Variants in CLPP observed in about 807,000 individuals in gnomAD.
CLPP encodes caseinolytic mitochondrial matrix peptidase proteolytic subunit.
CLPP carries 14 observed loss-of-function variants against 27.4 expected under a neutral mutation model. That is an observed-to-expected ratio of 0.51 (90% CI 0.34 to 0.80). The LOEUF (loss-of-function observed/expected upper bound fraction) is 0.80. CLPP is among the 30% of genes least tolerant of loss of function. The pLI, the probability that CLPP is intolerant of heterozygous loss-of-function variation, is 0.02. For synonymous variants in CLPP, 193 were observed against 166.6 expected, an observed-to-expected ratio of 1.16 and a Z score of -1.22; for missense variants, 361 against 403.6, an observed-to-expected ratio of 0.89 and a Z score of 0.90.
chr19:6,362,580 C>A, intron 3 of CLPP, 38 bp downstream of exon 3: 3 of 1,392,032 alleles, frequency 2.2e-6, no homozygotes, highest in Non-Finnish European at 3.1e-6. Flanking sequence ...GGGCACTCGT[C>A]AGGGCACACG....
In CLPP at chr19:6,368,954, CTG is replaced by C. The variant is rs1555720008; in HGVS notation, c.*248_*249del. ...CTGCACCATGACAGCGTGTACACAT[CTG>C]TGTTTCACAGGCCCCTTCTGCTTTT... On this transcript the variant is annotated 3_prime_UTR_variant, in exon 6 of 6. Transcript: ENST00000245816. The C allele has an allele frequency of 1.9e-6, 1 of 516,184 alleles. No homozygotes were observed. Among genetic ancestry groups the C allele is most frequent in the Non-Finnish European group, 3.4e-6 (1 of 290,614 alleles). 32.0% of individuals were successfully genotyped at this position (516,184 alleles called of 1,614,324 possible). A position where few individuals can be genotyped will look rare whatever the true frequency, so the allele number is the denominator to read the frequency against.
At chr19:6,362,201 C>T in intron 2 of CLPP, 1 of 602,842 alleles carries the variant, frequency 1.7e-6, no homozygotes, top group Non-Finnish European at 2.9e-6. Flanking sequence ...AAGACTCTCC[C>T]CAGCCATTCT....
In CLPP at chr19:6,361,597, G is replaced by C. The variant is rs1191663713; in HGVS notation, c.23G>C (p.Gly8Ala). ...GGGATGTGGCCCGGAATATTGGTAGGGGGGGCCCGGGTGGCGTCATGCAGG... is the reference window on the plus strand; with the variant it reads ...GGGATGTGGCCCGGAATATTGGTAGCGGGGGCCCGGGTGGCGTCATGCAGG... MWPGILV[G>A]GARVASCRYP... is the part of the protein sequence containing the mutation. The change falls in exon 1 of 6, where the codon GGG (glycine) becomes GCG (alanine). Residue 8 changes from glycine (G) to alanine (A), a missense_variant. Transcript: ENST00000245816. 1.9e-5 allele frequency: 27 copies of C among 1,413,414 alleles called. No individual in the cohort carries two copies. The highest frequency in any genetic ancestry group is 1.4e-4 in the African/African-American group (9 of 65,820). 87.6% of individuals were successfully genotyped at this position (1,413,414 alleles called of 1,614,324 possible).
At position 6,364,408 on chromosome 19, in the gene CLPP, C is replaced by CG. The variant is rs756428048; in HGVS notation, c.368-38dup. ...TTAGGAGATGGAATAGGGAAAGGGTCGGGGGGAGCTGGTCCAGCCCCTCAC... is the reference window on the plus strand; with the variant it reads ...TTAGGAGATGGAATAGGGAAAGGGTCGGGGGGGAGCTGGTCCAGCCCCTCAC... On this transcript the variant is annotated intron_variant, in intron 3 of 5. Transcript: ENST00000245816. 23 of 1,551,594 alleles carry CG rather than the reference C, an allele frequency of 1.5e-5. No homozygotes were observed. In the South Asian group the frequency reaches 2.3e-4, roughly 16 times the overall value.
Position 6,370,041 on chromosome 19 carries a change from CAGAG to C in CLPP, c.*1334_*1337del, listed in dbSNP as rs900726420. 1.3e-5 allele frequency among the ~76,000 whole-genome samples: 2 copies of C among 152,250 alleles called. No individual in the cohort carries two copies. The highest frequency in any genetic ancestry group is 2.1e-4 in the South Asian group (1 of 4,826). ...CAGATTCTAGCTAGGTGGGATGTGA[CAGAG>C]AGCAGTTTCCAGAAACTCCGAGCTG... On this transcript the variant is annotated 3_prime_UTR_variant, in exon 6 of 6. Coordinates refer to ENST00000245816, the MANE Select transcript of CLPP (RefSeq NM_006012.4).
At chr19:6,362,979 A>C (rs557511445) in intron 3 of CLPP, among the ~76,000 whole-genome samples, 36 of 152,126 alleles carry the variant, frequency 2.4e-4, no homozygotes, top group African/African-American at 8.7e-4. Flanking sequence ...AGTCCCAGCA[A>C]CTCGGAAGGC....
chr19:6,367,148 G>A (rs1482466307), intron 5 of CLPP, among the ~76,000 whole-genome samples: 16 of 151,976 alleles, frequency 1.1e-4, no homozygotes, highest in Admixed American at 9.8e-4. Flanking sequence ...AGGCCGAGGT[G>A]GGCGGATCAC....
chr19:6,369,424 AAAAAAC>A lies in CLPP; in HGVS notation c.*722_*727del, dbSNP rs1225964995. On this transcript the variant is annotated 3_prime_UTR_variant, in exon 6 of 6. Transcript: ENST00000245816. ...AGCAAGGCTCTGTCTCAAAAAAAAA[AAAAAAC>A]AAAAACAGGAAAGGTGGCATGCAAG... is the stretch of plus-strand genomic sequence containing the variant. Among the ~76,000 whole-genome samples, 2 of 151,680 alleles carry A rather than the reference AAAAAAC, an allele frequency of 1.3e-5. No homozygotes were observed. The highest frequency in any genetic ancestry group is 2.9e-5 in the Non-Finnish European group (2 of 67,930).
At chr19:6,361,828 C>G in intron 1 of CLPP, 41 bp from the exon 2 acceptor site, 5 of 1,436,172 alleles carry the variant, frequency 3.5e-6, no homozygotes, top group Non-Finnish European at 4.5e-6. Flanking sequence ...TGGGGATCGG[C>G]TGGCTGCCCC....
Position 6,364,776 on chromosome 19 carries a change from T to A in CLPP, c.555+137T>A, listed in dbSNP as rs921679317. On this transcript the variant is annotated intron_variant, in intron 4 of 5. Transcript: ENST00000245816. ...TGGAGTCTCACTTTGTCGCCCAGGC[T>A]GGAGTGCAGTGGTGCGATCTCGGCT... is the stretch of plus-strand genomic sequence containing the variant. 15 of 798,714 alleles carry A rather than the reference T, an allele frequency of 1.9e-5. No individual in the cohort carries two copies. The African/African-American group carries it at 2.5e-4, about 13-fold the overall frequency. The allele number at this position is 798,714 out of a possible 1,614,324, so 49.5% of individuals were successfully genotyped here.
In CLPP at chr19:6,362,532, C is replaced by G; in HGVS notation, c.357C>G (p.Ile119Met). The G allele has an allele frequency of 6.2e-7, 1 of 1,612,822 alleles. No individual in the cohort carries two copies. The highest frequency in any genetic ancestry group is 8.5e-7 in the Non-Finnish European group (1 of 1,178,822). The part of the protein sequence containing the change: ...ESNKKPIHMY[I>M]NSPGGVVTAG... ...ACAAGAAGCCCATCCACATGTACATCAACAGCCCTGGTGAGCAGGGTCTTT... is the reference window on the plus strand; with the variant it reads ...ACAAGAAGCCCATCCACATGTACATGAACAGCCCTGGTGAGCAGGGTCTTT... Residue 119 changes from isoleucine (I) to methionine (M), a missense_variant, in exon 3 of 6, where the codon ATC becomes ATG. Around this residue, in one of 2 missense-constraint regions of CLPP, gnomAD observed 213 missense variants for 280.9 expected, o/e 0.76. Coordinates refer to ENST00000245816, the MANE Select transcript of CLPP (RefSeq NM_006012.4).
intron 4 of CLPP, 28 bp from the exon 5 acceptor site, chr19:6,366,229 AC>A: frequency 1.3e-6 from 2 of 1,512,024 alleles, no homozygotes; most frequent in Non-Finnish European, 1.8e-6. Flanking sequence ...ACCAACCTTT[AC>A]CCCCTCACTC....
At chr19:6,364,666 T>C in intron 4 of CLPP, 27 bp downstream of exon 4, 1 of 1,595,728 alleles carries the variant, frequency 6.3e-7, no homozygotes, top group Non-Finnish European at 8.5e-7. Context: ...CGAGCTGCTG[T>C]TGGGAATCAG....
intron 5 of CLPP, among the ~76,000 whole-genome samples, chr19:6,367,527 G>A (rs2091868686): frequency 6.6e-6 from 1 of 152,028 alleles, no homozygotes; most frequent in Non-Finnish European, 1.5e-5. Context: ...AGGAGTGGTT[G>A]CTTTGGGGTA....
chr19:6,364,436 G>C lies in CLPP; in HGVS notation c.368-16G>C. On this transcript the variant is annotated splice_polypyrimidine_tract_variant and intron_variant, in intron 3 of 5. Transcript: ENST00000245816. Reference sequence around the variant, plus strand: ...GGGGAGCTGGTCCAGCCCCTCACTTGCTCCCCCGCCCACAGGTGGTGTGGT... The same window carrying C: ...GGGGAGCTGGTCCAGCCCCTCACTTCCTCCCCCGCCCACAGGTGGTGTGGT... 1 of 1,597,786 alleles carries C rather than the reference G, an allele frequency of 6.3e-7. No homozygotes were observed.
chr19:6,367,672 C>T lies in CLPP; in HGVS notation c.662-866C>T, dbSNP rs1411782239. On this transcript the variant is annotated intron_variant, in intron 5 of 5. Transcript: ENST00000245816. ...CAGTCTGAAAATCCATCCCACCAGA[C>T]ATTTACGAATCATGCCCTTTCCTGG... 9.9e-5 allele frequency among the ~76,000 whole-genome samples: 15 copies of T among 151,326 alleles called. No individual in the cohort carries two copies. The East Asian group carries it at 2.9e-3, about 29-fold the overall frequency.
chr19:6,365,177 TAAAG>T (rs1250902600), intron 4 of CLPP: 1 of 147,820 alleles, frequency 6.8e-6, no homozygotes, highest in Non-Finnish European at 1.5e-5. Context: ...TTGTCTCTAT[TAAAG>T]AAAAAAAAAA....
intron 3 of CLPP, among the ~76,000 whole-genome samples, chr19:6,364,028 T>TC (rs2091849099): frequency 4.9e-5 from 7 of 143,478 alleles, no homozygotes; most frequent in Admixed American, 4.7e-4. Context: ...AACCCAGTCT[T>TC]AATTTTTTTT....
chr19:6,365,847 T>G (rs1023027897), intron 4 of CLPP, among the ~76,000 whole-genome samples: 1 of 147,744 alleles, frequency 6.8e-6, no homozygotes, highest in African/African-American at 2.5e-5. Flanking sequence ...CCAGGCATGG[T>G]GGCTCATGCC....
Sources: allele counts gnomAD v4.1 joint callset (sites outside exome capture counted in the v4.1 genomes callset), GRCh38; gene constraint gnomAD v4.1.1; regional missense constraint gnomAD v4.1.1; transcripts MANE v1.5; gene names NCBI Gene and HGNC (gene_info 2026-07-23, HGNC 2026-07-21).